The following ATG13 variants were observed in gnomAD, a reference collection of about 807,000 sequenced individuals.
ATG13 encodes autophagy related 13.
A neutral mutation model predicts 65.5 loss-of-function variants in ATG13; 23 were observed. The ratio of observed to expected loss-of-function variants is 0.35; its 90% CI spans 0.25 to 0.50. The LOEUF (loss-of-function observed/expected upper bound fraction) is 0.50. Among genes scored for constraint, ATG13 ranks in the 20% least tolerant of loss-of-function variants. ATG13 has a pLI of 0.98. For synonymous variants in ATG13, 252 were observed against 245.2 expected (o/e 1.03, Z -0.26); for missense variants, 566 against 677.0 (o/e 0.84, Z 1.82).
At chr11:46,659,604 G>A in intron 11 of ATG13, 119 bp downstream of exon 11, 1 of 780,448 alleles carries the variant, frequency 1.3e-6, no homozygotes, top group East Asian at 2.6e-5. Flanking sequence ...GTTTCAAAGG[G>A]GTTACTTTGA....
chr11:46,645,298 T>C, intron 3 of ATG13, 41 bp from the exon 4 acceptor site: 1 of 1,577,590 alleles, frequency 6.3e-7, no homozygotes, highest in South Asian at 1.2e-5. Context: ...CTAAGACTTT[T>C]CATCATTTTA....
At chr11:46,665,348 C>A (rs184188172) in intron 13 of ATG13, 35 bp from the exon 14 acceptor site, 1 of 1,603,084 alleles carries the variant, frequency 6.2e-7, no homozygotes, top group East Asian at 2.2e-5. Flanking sequence ...CCTGGCATGC[C>A]ATGATTCACT....
chr11:46,649,093 T>G, intron 5 of ATG13, 44 bp from the exon 6 acceptor site: 1 of 1,567,388 alleles, frequency 6.4e-7, no homozygotes, highest in Non-Finnish European at 8.7e-7. Context: ...GCTTTGAAAT[T>G]AAAAATTTTT....
chr11:46,672,575 G>T lies in ATG13; in HGVS notation c.*243G>T. The T allele has an allele frequency of 7.0e-7, 1 of 1,423,364 alleles. No homozygotes were observed. Among genetic ancestry groups the T allele is most frequent in the African/African-American group, 1.4e-5 (1 of 70,254 alleles). The allele number at this position is 1,423,364 out of a possible 1,614,324, so 88.2% of individuals were successfully genotyped here. On this transcript the variant is annotated 3_prime_UTR_variant, in exon 19 of 19. Transcript: ENST00000683050. The stretch of plus-strand genomic sequence containing the variant: ...GGCCTTGGAGATGGGAAGAACCTTC[G>T]TACGAAAAAGCCCTCAGCAGGGCCA...
At chr11:46,621,353 A>G (rs1372357463) in intron 1 of ATG13, among the ~76,000 whole-genome samples, 1 of 152,102 alleles carries the variant, frequency 6.6e-6, no homozygotes, top group South Asian at 2.1e-4. Flanking sequence ...CTTTCTTTTT[A>G]CATGAAGTCT....
intron 3 of ATG13, among the ~76,000 whole-genome samples, chr11:46,645,109 C>A (rs905313180): frequency 3.9e-5 from 6 of 152,130 alleles, no homozygotes; most frequent in Non-Finnish European, 7.4e-5. Flanking sequence ...CCTGTAATTC[C>A]TTTCATTGGT....
intron 7 of ATG13, among the ~76,000 whole-genome samples, chr11:46,651,756 A>G (rs1019747442): frequency 6.6e-6 from 1 of 151,992 alleles, no homozygotes; most frequent in African/African-American, 2.4e-5. Context: ...AACCATGTCT[A>G]TTTTTCTAGG....
At chr11:46,661,671 A>C (rs2061257712) in intron 11 of ATG13, among the ~76,000 whole-genome samples, 1 of 151,632 alleles carries the variant, frequency 6.6e-6, no homozygotes, top group African/African-American at 2.4e-5. Flanking sequence ...GTCTCTACCA[A>C]AAATAAAAAA....
At chr11:46,624,373 G>GT (rs1371824516) in intron 1 of ATG13, among the ~76,000 whole-genome samples, 1 of 152,092 alleles carries the variant, frequency 6.6e-6, no homozygotes, top group Non-Finnish European at 1.5e-5. Flanking sequence ...GTTGCCAGTT[G>GT]TTTCAGTACT....
At chr11:46,652,823 G>C (rs914132970) in intron 7 of ATG13, among the ~76,000 whole-genome samples, 4 of 152,036 alleles carry the variant, frequency 2.6e-5, no homozygotes, top group African/African-American at 9.7e-5. Flanking sequence ...GGCCTTAAAG[G>C]GTATTTACTT....
chr11:46,672,575 G>C lies in ATG13; in HGVS notation c.*243G>C, dbSNP rs1048727887. 3.5e-6 allele frequency: 5 copies of C among 1,423,246 alleles called. No individual in the cohort carries two copies. The East Asian group carries it at 1.5e-4, about 42-fold the overall frequency. The allele number at this position is 1,423,246 out of a possible 1,614,324, so 88.2% of individuals were successfully genotyped here. On this transcript the variant is annotated 3_prime_UTR_variant, in exon 19 of 19. Transcript: ENST00000683050. ...GGCCTTGGAGATGGGAAGAACCTTC[G>C]TACGAAAAAGCCCTCAGCAGGGCCA... is the stretch of plus-strand genomic sequence containing the variant.
chr11:46,649,256 G>A, intron 6 of ATG13, 73 bp downstream of exon 6: 17 of 1,530,548 alleles, frequency 1.1e-5, no homozygotes, highest in Non-Finnish European at 1.5e-5. Context: ...TGAAAAGCAG[G>A]GCTTTGTTTT....
intron 7 of ATG13, among the ~76,000 whole-genome samples, chr11:46,652,789 C>T (rs986176284): frequency 6.6e-6 from 1 of 152,100 alleles, no homozygotes; most frequent in African/African-American, 2.4e-5. Context: ...TAGTGAACTG[C>T]CTGAGTCTCA....
At chr11:46,635,219 T>G (rs1021774942) in intron 2 of ATG13, among the ~76,000 whole-genome samples, 1 of 151,728 alleles carries the variant, frequency 6.6e-6, no homozygotes, top group African/African-American at 2.4e-5. Flanking sequence ...TTGGCCAGGC[T>G]GGTCTCGAAC....
At chr11:46,624,750 G>A (rs2048916525) in intron 1 of ATG13, among the ~76,000 whole-genome samples, 1 of 152,130 alleles carries the variant, frequency 6.6e-6, no homozygotes, top group Admixed American at 6.6e-5. Context: ...TAGCTCATTG[G>A]CTGGGCATGA....
At chr11:46,650,428 G>C in intron 7 of ATG13, 111 bp downstream of exon 7, 1 of 1,392,766 alleles carries the variant, frequency 7.2e-7, no homozygotes, top group Non-Finnish European at 9.7e-7. Flanking sequence ...TTGGTTTGTT[G>C]GATTATTGAT....
At position 46,650,456 on chromosome 11, in the gene ATG13, A is replaced by T. The variant is rs531241557; in HGVS notation, c.458+139A>T. On this transcript the variant is annotated intron_variant, in intron 7 of 18. Coordinates refer to ENST00000683050, the MANE Select transcript of ATG13 (RefSeq NM_001346311.2). Reference sequence around the variant, plus strand: ...TTATTGATGCTGTCGCTTTCATGTGATCACTATCCAGCCTGCCTTATGAAC... The same window carrying T: ...TTATTGATGCTGTCGCTTTCATGTGTTCACTATCCAGCCTGCCTTATGAAC... 3.0e-5 allele frequency: 36 copies of T among 1,206,480 alleles called. No individual in the cohort carries two copies. The Admixed American group carries it at 7.5e-4, about 25-fold the overall frequency. 74.7% of individuals were successfully genotyped at this position (1,206,480 alleles called of 1,614,324 possible). A position where few individuals can be genotyped will look rare whatever the true frequency, so the allele number is the denominator to read the frequency against.
At chr11:46,647,526 C>T (rs968887933) in intron 5 of ATG13, among the ~76,000 whole-genome samples, 4 of 151,974 alleles carry the variant, frequency 2.6e-5, no homozygotes, top group Admixed American at 1.3e-4. Context: ...GATCCACCTG[C>T]GTGGGCCTCC....
chr11:46,627,301 C>A (rs1459298478), intron 1 of ATG13, among the ~76,000 whole-genome samples: 3 of 151,924 alleles, frequency 2.0e-5, no homozygotes, highest in Admixed American at 2.0e-4. Context: ...ATCACTTGAA[C>A]TTGGGAGGCG....
Sources: gnomAD v4.1 joint callset for allele counts (sites outside exome capture counted in the v4.1 genomes callset) on GRCh38, gnomAD v4.1.1 for gene constraint, MANE v1.5 for transcripts, NCBI Gene and HGNC (gene_info 2026-07-23, HGNC 2026-07-21) for gene names.